Variants in SLC22A16 observed in about 807,000 individuals in gnomAD.
The protein encoded by SLC22A16 is solute carrier family 22 member 16, also known as WUGSC:RG331P03.1.
Under a neutral mutation model 52.9 loss-of-function variants are expected in SLC22A16, and 53 were observed. That is an observed-to-expected ratio of 1.00 (90% CI 0.80 to 1.26). The LOEUF is 1.26. Among genes scored for constraint, SLC22A16 ranks in the 50% most tolerant of loss-of-function variants. The pLI, the probability that SLC22A16 is intolerant of heterozygous loss-of-function variation, is 0.00. For missense variants in SLC22A16, 726 were observed against 704.0 expected, an observed-to-expected ratio of 1.03 and a Z score of -0.35; for synonymous variants, 291 against 268.8, an observed-to-expected ratio of 1.08 and a Z score of -0.81.
At chr6:110,425,439 T>A in intron 7 of SLC22A16, 1 of 1,306,714 alleles carries the variant, frequency 7.7e-7, no homozygotes, top group Middle Eastern at 2.1e-4. Context: ...CAGAATCTTG[T>A]GGAGAAGACA....
chr6:110,441,272 C>T (rs1774953353), intron 4 of SLC22A16, among the ~76,000 whole-genome samples: 1 of 152,146 alleles, frequency 6.6e-6, no homozygotes. Flanking sequence ...AGAATTCTGA[C>T]TGAAAAATTA....
At chr6:110,434,993 A>C (rs893066631) in intron 6 of SLC22A16, among the ~76,000 whole-genome samples, 12 of 152,118 alleles carry the variant, frequency 7.9e-5, no homozygotes, top group Non-Finnish European at 1.0e-4. Flanking sequence ...AAGAAAAAAA[A>C]ATCCCCAGTG....
chr6:110,444,892 A>G (rs1049297240), intron 3 of SLC22A16, among the ~76,000 whole-genome samples: 1 of 152,192 alleles, frequency 6.6e-6, no homozygotes, highest in Non-Finnish European at 1.5e-5. Flanking sequence ...TAAATTTCCC[A>G]GTTAAATTAA....
At chr6:110,437,067 C>T (rs1774764128) in intron 5 of SLC22A16, among the ~76,000 whole-genome samples, 1 of 152,178 alleles carries the variant, frequency 6.6e-6, no homozygotes, top group South Asian at 2.1e-4. Context: ...TTTCTATGAG[C>T]AGGTAACAAA....
intron 2 of SLC22A16, chr6:110,456,138 G>A (rs1446628473): frequency 4.0e-5 from 7 of 175,342 alleles, no homozygotes; most frequent in Admixed American, 3.9e-4. Context: ...TCTATTTAAA[G>A]AGAAGAAAAT....
rs186869874 is a variant in SLC22A16 at position 110,427,064 on chromosome 6, C to A, written c.1522-1979G>T. Reference sequence around the variant, plus strand: ...GTCAGGAGTTTGAGACCAGCCTGGGCAATATGGTGAAATTCTCTATGAAAA... The same window carrying A: ...GTCAGGAGTTTGAGACCAGCCTGGGAAATATGGTGAAATTCTCTATGAAAA... On this transcript the variant is annotated intron_variant, in intron 7 of 7. Transcript: ENST00000368919. Among the ~76,000 whole-genome samples the A allele has an allele frequency of 6.6e-5, 10 of 151,428 alleles. No homozygotes were observed. In the East Asian group the frequency reaches 1.8e-3, roughly 27 times the overall value.
chr6:110,425,219 G>T, intron 7 of SLC22A16, 134 bp from the exon 8 acceptor site: 1 of 1,517,666 alleles, frequency 6.6e-7, no homozygotes, highest in South Asian at 1.3e-5. Flanking sequence ...GTGATTACTC[G>T]GTGAGATCTT....
At chr6:110,432,977 T>C (rs57432086) in intron 6 of SLC22A16, among the ~76,000 whole-genome samples, 2,728 of 152,312 alleles carry the variant, frequency 0.018, 65 homozygotes, top group African/African-American at 0.061. Flanking sequence ...TGGATTTGAG[T>C]TCTGATGGGT....
intron 5 of SLC22A16, among the ~76,000 whole-genome samples, chr6:110,437,957 G>A (rs1774797892): frequency 1.3e-5 from 2 of 152,126 alleles, no homozygotes; most frequent in African/African-American, 4.8e-5. Flanking sequence ...ACAGTGTACT[G>A]AAACTCTACC....
intron 1 of SLC22A16, among the ~76,000 whole-genome samples, chr6:110,470,162 G>C (rs1387179011): frequency 1.3e-5 from 2 of 152,134 alleles, no homozygotes; most frequent in East Asian, 3.9e-4. Flanking sequence ...GGCAATAAGA[G>C]GCATGAAAAT....
At chr6:110,475,829 A>G in intron 1 of SLC22A16, 5 of 425,816 alleles carry the variant, frequency 1.2e-5, no homozygotes, top group South Asian at 6.7e-5. Context: ...AATCAATTTG[A>G]CAAATGAAAA....
Position 110,470,716 on chromosome 6 carries a change from C to T in SLC22A16, c.53+5806G>A, listed in dbSNP as rs552065991. Among the ~76,000 whole-genome samples, 10 of 152,190 alleles carry T rather than the reference C, an allele frequency of 6.6e-5. No individual in the cohort carries two copies. The South Asian group carries it at 2.1e-3, about 32-fold the overall frequency. On this transcript the variant is annotated intron_variant, in intron 1 of 7. Coordinates refer to ENST00000368919, the MANE Select transcript of SLC22A16 (RefSeq NM_033125.4). ...CACACACACATACACCAACACAGCA[C>T]CCACCCTGGCAGGCCTCTGAAGCTA...
chr6:110,435,051 A>C (rs1774669719), intron 6 of SLC22A16, among the ~76,000 whole-genome samples: 1 of 152,172 alleles, frequency 6.6e-6, no homozygotes, highest in African/African-American at 2.4e-5. Flanking sequence ...CCCAAGACTG[A>C]TATTTTTTAT....
Position 110,457,527 on chromosome 6 carries a change from T to A in SLC22A16, c.54-510A>T, listed in dbSNP as rs539171830. On this transcript the variant is annotated intron_variant, in intron 1 of 7. Transcript: ENST00000368919. ...GAGCTGTTCCATATAATAAAATATA[T>A]AAAATAACAAGAGTTATGCTAGATA... Among the ~76,000 whole-genome samples the A allele has an allele frequency of 7.9e-5, 12 of 152,248 alleles. No homozygotes were observed. In the South Asian group the frequency reaches 1.7e-3, roughly 21 times the overall value.
At chr6:110,452,109 A>G (rs1013805371) in intron 2 of SLC22A16, among the ~76,000 whole-genome samples, 5 of 152,162 alleles carry the variant, frequency 3.3e-5, no homozygotes, top group African/African-American at 9.7e-5. Flanking sequence ...GGGAGCCTCA[A>G]TCTGTTTGTC....
At chr6:110,453,750 A>G in intron 2 of SLC22A16, 1 of 455,734 alleles carries the variant, frequency 2.2e-6, no homozygotes, top group South Asian at 1.6e-5. Context: ...TTATGTTGCT[A>G]TAAAAGAACA....
At chr6:110,473,689 T>C (rs1776350904) in intron 1 of SLC22A16, among the ~76,000 whole-genome samples, 1 of 139,426 alleles carries the variant, frequency 7.2e-6, no homozygotes, top group African/African-American at 2.8e-5. Context: ...CATGCCAGGC[T>C]CATTTTTTTG....
At position 110,476,507 on chromosome 6, in the gene SLC22A16, G is replaced by GCCCCCCCCCCCCCCCCCCCCCCCCCACC. The variant is rs1554229887; in HGVS notation, c.53+14_53+15insGGTGGGGGGGGGGGGGGGGGGGGGGGGG. ...GCCGCCTCCCGCGTGGCGCCGCGGG[G>GCCCCCCCCCCCCCCCCCCCCCCCCCACC]CCCCTCCCCCATACCTGCCGAAGTG... On this transcript the variant is annotated intron_variant, in intron 1 of 7. Coordinates refer to ENST00000368919, the MANE Select transcript of SLC22A16 (RefSeq NM_033125.4). 9.3e-7 allele frequency: 1 copy of GCCCCCCCCCCCCCCCCCCCCCCCCCACC among 1,072,994 alleles called. No homozygotes were observed. Among genetic ancestry groups the GCCCCCCCCCCCCCCCCCCCCCCCCCACC allele is most frequent in the African/African-American group, 2.8e-5 (1 of 35,464 alleles). 66.5% of individuals were successfully genotyped at this position (1,072,994 alleles called of 1,614,324 possible).
At chr6:110,431,837 G>T (rs1774519083) in intron 6 of SLC22A16, among the ~76,000 whole-genome samples, 1 of 152,202 alleles carries the variant, frequency 6.6e-6, no homozygotes, top group Non-Finnish European at 1.5e-5. Context: ...AAAAGAGGTA[G>T]GAGTGTGGAG....
Sources: allele counts gnomAD v4.1 joint callset (sites outside exome capture counted in the v4.1 genomes callset), GRCh38; gene constraint gnomAD v4.1.1; transcripts MANE v1.5; gene names NCBI Gene and HGNC (gene_info 2026-07-23, HGNC 2026-07-21).